The following SATB2 variants were observed in gnomAD, a reference collection of about 807,000 sequenced individuals.
SATB2 encodes DNA-binding protein SATB2.
SATB2 carries 1 observed loss-of-function variant against 73.4 expected under a neutral mutation model. The ratio of observed to expected loss-of-function variants is 0.01; its 90% CI spans 0.00 to 0.06. The LOEUF (loss-of-function observed/expected upper bound fraction) is 0.06. Ranked by LOEUF, SATB2 falls within the 10% of genes least tolerant of loss-of-function variation. SATB2 has a pLI of 1.00. For synonymous variants in SATB2, 397 were observed against 367.0 expected, an observed-to-expected ratio of 1.08 and a Z score of -0.93; for missense variants, 459 against 945.8, an observed-to-expected ratio of 0.49 and a Z score of 6.75.
chr2:199,312,835 A>G (rs1212625914), intron 9 of SATB2, among the ~76,000 whole-genome samples: 1 of 152,194 alleles, frequency 6.6e-6, no homozygotes, highest in Non-Finnish European at 1.5e-5. Context: ...AGTCTTGCCC[A>G]AAATGCATAA....
At chr2:199,396,373 A>G (rs1325191378) in intron 3 of SATB2, 1 of 152,240 alleles carries the variant, frequency 6.6e-6, no homozygotes, top group African/African-American at 2.4e-5. Context: ...GAATTATCCA[A>G]AAATTCAATT....
At chr2:199,400,063 G>A (rs889430274) in intron 3 of SATB2, among the ~76,000 whole-genome samples, 5 of 152,144 alleles carry the variant, frequency 3.3e-5, no homozygotes, top group African/African-American at 1.2e-4. Flanking sequence ...TTATCCTCTG[G>A]AGAATGCTGC....
intron 2 of SATB2, among the ~76,000 whole-genome samples, chr2:199,448,514 T>C (rs1692029067): frequency 1.3e-5 from 2 of 152,190 alleles, no homozygotes; most frequent in Admixed American, 6.5e-5. Context: ...AAAAGATATA[T>C]GTGGTTAACG....
At chr2:199,277,325 G>C (rs977339497) in intron 10 of SATB2, among the ~76,000 whole-genome samples, 2 of 152,144 alleles carry the variant, frequency 1.3e-5, no homozygotes, top group African/African-American at 4.8e-5. Flanking sequence ...TTTACTGTAT[G>C]CAAACTATAA....
chr2:199,275,376 G>T (rs1463339252), intron 10 of SATB2, among the ~76,000 whole-genome samples: 4 of 152,164 alleles, frequency 2.6e-5, no homozygotes, highest in African/African-American at 9.7e-5. Context: ...AGAAAGAACA[G>T]TAAGAATAGC....
upstream of SATB2, among the ~76,000 whole-genome samples, chr2:199,459,074 C>A (rs1692396655): frequency 6.6e-6 from 1 of 152,050 alleles, no homozygotes; most frequent in Admixed American, 6.5e-5. The surrounding 1 kb of genome is among the most constrained non-coding windows in gnomAD (Gnocchi z 4.2). Context: ...CCGGCGACAT[C>A]GCGAGCGGTG....
At chr2:199,458,131 G>C (rs949735412), upstream of SATB2, 2 of 157,778 alleles carry the variant, frequency 1.3e-5, no homozygotes, top group African/African-American at 5.0e-5. Context: ...GGATTATTTC[G>C]GGATGGGGGT....
intron 6 of SATB2, among the ~76,000 whole-genome samples, chr2:199,352,647 C>T (rs916257556): frequency 6.6e-6 from 1 of 152,100 alleles, no homozygotes; most frequent in African/African-American, 2.4e-5. Flanking sequence ...AACACAAATA[C>T]CTACCTGTTC....
intron 2 of SATB2, among the ~76,000 whole-genome samples, chr2:199,442,036 G>A (rs535839543): frequency 1.8e-4 from 28 of 152,198 alleles, no homozygotes; most frequent in Middle Eastern, 6.8e-3. Flanking sequence ...GAGGCCCACC[G>A]TTTTCCTCCT....
intron 2 of SATB2, among the ~76,000 whole-genome samples, chr2:199,453,511 T>C (rs1574643295): frequency 1.3e-5 from 2 of 152,166 alleles, no homozygotes; most frequent in East Asian, 1.9e-4. Context: ...ATCTACTTTA[T>C]ATTTACTCTA....
intron 3 of SATB2, among the ~76,000 whole-genome samples, chr2:199,421,986 C>T (rs982731504): frequency 3.3e-5 from 5 of 152,212 alleles, no homozygotes; most frequent in African/African-American, 1.2e-4. Context: ...GCACTTAACA[C>T]TTCCTAATTT....
intron 2 of SATB2, among the ~76,000 whole-genome samples, chr2:199,436,916 G>GA (rs149375618): frequency 0.035 from 4,905 of 138,244 alleles, 287 homozygotes; most frequent in African/African-American, 0.12. Flanking sequence ...GAAAAAGAAA[G>GA]AAAAAAAAAA....
intron 6 of SATB2, among the ~76,000 whole-genome samples, chr2:199,358,786 T>C (rs1480002291): frequency 6.6e-6 from 1 of 152,170 alleles, no homozygotes; most frequent in Non-Finnish European, 1.5e-5. Flanking sequence ...TGGACACCTC[T>C]GTTTCTTTGC....
chr2:199,357,959 G>C (rs1689035237), intron 6 of SATB2, among the ~76,000 whole-genome samples: 1 of 151,968 alleles, frequency 6.6e-6, no homozygotes, highest in Non-Finnish European at 1.5e-5. Flanking sequence ...GAGAATCTTG[G>C]GCAATCACAA....
At chr2:199,382,647 C>CAAA (rs1177098603) in intron 3 of SATB2, among the ~76,000 whole-genome samples, 1 of 152,134 alleles carries the variant, frequency 6.6e-6, no homozygotes, top group Non-Finnish European at 1.5e-5. Flanking sequence ...CTAACTTATT[C>CAAA]ATAAGATAGG....
intron 3 of SATB2, among the ~76,000 whole-genome samples, chr2:199,410,070 G>C (rs1048480395): frequency 6.6e-6 from 1 of 152,132 alleles, no homozygotes; most frequent in Non-Finnish European, 1.5e-5. Context: ...CTATTCTAGA[G>C]ATCACAAACT....
At chr2:199,292,074 T>A (rs542631955) in intron 10 of SATB2, among the ~76,000 whole-genome samples, 2 of 146,678 alleles carry the variant, frequency 1.4e-5, no homozygotes, top group African/African-American at 5.0e-5. Context: ...AAAGCAATGC[T>A]AAAAAAAAAA....
intron 10 of SATB2, among the ~76,000 whole-genome samples, chr2:199,283,311 C>T (rs1458050537): frequency 1.1e-4 from 17 of 148,894 alleles, no homozygotes; most frequent in Admixed American, 4.0e-4. Context: ...AGGACGGTCT[C>T]TATCTCCTGA....
intron 2 of SATB2, among the ~76,000 whole-genome samples, chr2:199,438,551 C>T (rs1487793236): frequency 6.6e-6 from 1 of 152,228 alleles, no homozygotes; most frequent in East Asian, 1.9e-4. Flanking sequence ...CCCTTGCCTT[C>T]ATTTTAAAGA....
Sources: gnomAD v4.1 joint callset for allele counts (sites outside exome capture counted in the v4.1 genomes callset) on GRCh38, gnomAD v4.1.1 for gene constraint, Gnocchi (gnomAD v3.1) non-coding constraint, MANE v1.5 for transcripts, NCBI Gene and HGNC (gene_info 2026-07-23, HGNC 2026-07-21) for gene names.